TMEFF1: variants seen among roughly 807,000 people sequenced by gnomAD.
The protein encoded by TMEFF1 is tomoregulin-1.
In TMEFF1, 20 loss-of-function variants were observed where a neutral mutation model predicts 47.5. That is an observed-to-expected ratio of 0.42 (90% CI 0.30 to 0.61). The LOEUF is 0.61. Among genes scored for constraint, TMEFF1 ranks in the 20% least tolerant of loss-of-function variants. The pLI is 0.19. For missense variants in TMEFF1, 411 were observed against 471.1 expected, an observed-to-expected ratio of 0.87 and a Z score of 1.18; for synonymous variants, 162 against 166.3, an observed-to-expected ratio of 0.97 and a Z score of 0.20.
intron 5 of TMEFF1, among the ~76,000 whole-genome samples, chr9:100,521,335 GTTAT>G (rs1838156462): frequency 6.6e-6 from 1 of 152,138 alleles, no homozygotes; most frequent in African/African-American, 2.4e-5. Flanking sequence ...GTTTGTGACA[GTTAT>G]GTTCGTTAAT....
chr9:100,550,655 C>A (rs924836600), intron 7 of TMEFF1, among the ~76,000 whole-genome samples: 1 of 152,136 alleles, frequency 6.6e-6, no homozygotes, highest in Non-Finnish European at 1.5e-5. Context: ...CTGTATACTC[C>A]CCTCTCTGAA....
In TMEFF1 at chr9:100,501,543, T is replaced by C. The variant is rs556047263; in HGVS notation, c.306+2669T>C. On this transcript the variant is annotated intron_variant, in intron 2 of 9. Coordinates refer to ENST00000374879, the MANE Select transcript of TMEFF1 (RefSeq NM_003692.5). ...TATACATACTCTGTGCAATACAATA[T>C]TGGAATATATATATATTGCTTACTA... Among the ~76,000 whole-genome samples the C allele has an allele frequency of 8.5e-5, 13 of 152,324 alleles. No individual in the cohort carries two copies. The South Asian group carries it at 2.7e-3, about 32-fold the overall frequency.
chr9:100,553,365 G>A (rs547769908), intron 7 of TMEFF1, among the ~76,000 whole-genome samples: 2 of 151,972 alleles, frequency 1.3e-5, no homozygotes, highest in Admixed American at 6.5e-5. Flanking sequence ...AAATATCCAC[G>A]TCTGCAACAC....
In TMEFF1 at chr9:100,473,943, G is replaced by A. The variant is rs1564259195; in HGVS notation, c.196+203G>A. Among the ~76,000 whole-genome samples, 1 of 151,964 alleles carries A rather than the reference G, an allele frequency of 6.6e-6. No individual in the cohort carries two copies. Among genetic ancestry groups the A allele is most frequent in the Non-Finnish European group, 1.5e-5 (1 of 67,980 alleles). On this transcript the variant is annotated intron_variant, in intron 1 of 9. Transcript: ENST00000374879. The surrounding 1 kb of genome is among the most constrained non-coding windows in gnomAD (Gnocchi z 5.4). Reference sequence around the variant, plus strand: ...GCTGGGGATGGGAGTGGCCGTGGGTGCGTCCGAGTGTGTCGAGTGGCTGGG... The same window carrying A: ...GCTGGGGATGGGAGTGGCCGTGGGTACGTCCGAGTGTGTCGAGTGGCTGGG...
intron 4 of TMEFF1, among the ~76,000 whole-genome samples, chr9:100,515,399 A>C (rs967773456): frequency 1.3e-5 from 2 of 152,106 alleles, no homozygotes; most frequent in Non-Finnish European, 2.9e-5. Flanking sequence ...ATTTCTATTT[A>C]AGGACAGGCA....
chr9:100,474,848 C>T (rs1459005635), intron 1 of TMEFF1, among the ~76,000 whole-genome samples: 1 of 152,140 alleles, frequency 6.6e-6, no homozygotes, highest in Admixed American at 6.5e-5. Context: ...TAGTGGATAA[C>T]ACTGGGGAGG....
intron 5 of TMEFF1, among the ~76,000 whole-genome samples, chr9:100,545,085 C>A (rs879531512): frequency 3.3e-5 from 5 of 152,174 alleles, no homozygotes; most frequent in African/African-American, 9.7e-5. Flanking sequence ...ATGCACAGTG[C>A]GAGCTGTCAG....
chr9:100,476,398 C>T (rs983342243), intron 1 of TMEFF1, among the ~76,000 whole-genome samples: 2 of 151,918 alleles, frequency 1.3e-5, no homozygotes, highest in Non-Finnish European at 2.9e-5. Flanking sequence ...TTTACTCTGT[C>T]ATGTTTTTTT....
chr9:100,553,509 G>GAGCA (rs1410748888), intron 7 of TMEFF1, among the ~76,000 whole-genome samples: 2 of 152,186 alleles, frequency 1.3e-5, no homozygotes, highest in Non-Finnish European at 2.9e-5. Flanking sequence ...TTAAAACTTA[G>GAGCA]CTCTTAGAGA....
Position 100,575,169 on chromosome 9 carries a change from A to G in TMEFF1, c.1059-1347A>G, listed in dbSNP as rs1839326506. On this transcript the variant is annotated intron_variant, in intron 9 of 9. Transcript: ENST00000374879. ...TTTAAGTATCTCTCCCACACAGTCC[A>G]TTATGAGACAGCTGTTGACATATAC... is the stretch of plus-strand genomic sequence containing the variant. Among the ~76,000 whole-genome samples the G allele has an allele frequency of 2.0e-5, 3 of 152,302 alleles. No homozygotes were observed. The South Asian group carries it at 6.2e-4, about 32-fold the overall frequency.
chr9:100,574,638 A>G (rs901836461), intron 9 of TMEFF1, among the ~76,000 whole-genome samples: 3 of 152,154 alleles, frequency 2.0e-5, no homozygotes, highest in Non-Finnish European at 4.4e-5. Flanking sequence ...CGGTCTCGCA[A>G]AGTGCTGGGA....
intron 8 of TMEFF1, among the ~76,000 whole-genome samples, chr9:100,566,688 C>G (rs187888531): frequency 2.6e-5 from 4 of 151,760 alleles, no homozygotes; most frequent in South Asian, 2.1e-4. Context: ...AGTGAGTGCC[C>G]CCGCCTTTTT....
intron 8 of TMEFF1, among the ~76,000 whole-genome samples, 179 bp from the exon 9 acceptor site, chr9:100,572,339 G>C (rs1459000825): frequency 1.3e-5 from 2 of 152,066 alleles, no homozygotes. Context: ...CACCATGTAG[G>C]CATATCAGAA....
At chr9:100,533,600 T>C (rs1838443702) in intron 5 of TMEFF1, among the ~76,000 whole-genome samples, 2 of 152,244 alleles carry the variant, frequency 1.3e-5, no homozygotes, top group South Asian at 2.1e-4. Flanking sequence ...ACCTCTGTTG[T>C]AACTTTTAAA....
chr9:100,494,683 G>A (rs1238963267), intron 1 of TMEFF1, among the ~76,000 whole-genome samples: 3 of 152,192 alleles, frequency 2.0e-5, no homozygotes, highest in Admixed American at 6.5e-5. Context: ...GCCAAGAAAT[G>A]TAGGTTATTT....
At chr9:100,519,495 A>T (rs1452887486) in intron 5 of TMEFF1, among the ~76,000 whole-genome samples, 1 of 152,002 alleles carries the variant, frequency 6.6e-6, no homozygotes, top group Non-Finnish European at 1.5e-5. Context: ...ATTGACGACT[A>T]AAGTCAGAGG....
chr9:100,575,191 A>G (rs773644486), intron 9 of TMEFF1, among the ~76,000 whole-genome samples: 2 of 152,216 alleles, frequency 1.3e-5, no homozygotes, highest in Non-Finnish European at 2.9e-5. Flanking sequence ...CTGTTGACAT[A>G]TACCGTGGCG....
At chr9:100,556,821 G>A (rs990346321) in intron 7 of TMEFF1, among the ~76,000 whole-genome samples, 1 of 151,912 alleles carries the variant, frequency 6.6e-6, no homozygotes, top group African/African-American at 2.4e-5. Context: ...TTAGCTTCTT[G>A]TTGCCACAAG....
chr9:100,560,090 T>C (rs543176680), intron 7 of TMEFF1, among the ~76,000 whole-genome samples: 4 of 152,248 alleles, frequency 2.6e-5, no homozygotes, highest in Non-Finnish European at 5.9e-5. Flanking sequence ...TACATATAAC[T>C]CACTATTTCA....
Sources: gnomAD v4.1 joint callset for allele counts (sites outside exome capture counted in the v4.1 genomes callset) on GRCh38, gnomAD v4.1.1 for gene constraint, Gnocchi (gnomAD v3.1) non-coding constraint, MANE v1.5 for transcripts, NCBI Gene and HGNC (gene_info 2026-07-23, HGNC 2026-07-21) for gene names.